The following COL21A1 variants were observed in gnomAD, a reference collection of about 807,000 sequenced individuals.
The protein encoded by COL21A1 is collagen type XXI alpha 1 chain, also known as collagen alpha-1(XXI) chain.
A neutral mutation model predicts 137.9 loss-of-function variants in COL21A1; 149 were observed. That is an observed-to-expected ratio of 1.08 (90% CI 0.95 to 1.24). COL21A1 has a LOEUF of 1.24. Ranked by LOEUF, COL21A1 falls within the 50% of genes most tolerant of loss-of-function variation. The pLI, the probability that COL21A1 is intolerant of heterozygous loss-of-function variation, is 0.00. For missense variants in COL21A1, 1,167 were observed against 1,158.4 expected (o/e 1.01, Z -0.11); for synonymous variants, 456 against 391.5 (o/e 1.16, Z -1.95).
At chr6:56,177,375 T>C (rs1257203593) in intron 3 of COL21A1, among the ~76,000 whole-genome samples, 5 of 152,118 alleles carry the variant, frequency 3.3e-5, no homozygotes, top group Non-Finnish European at 5.9e-5. Context: ...AGAAGTTAAG[T>C]ATGTGTCAAA....
chr6:56,277,942 T>G (rs924779765), intron 1 of COL21A1, among the ~76,000 whole-genome samples: 2 of 152,246 alleles, frequency 1.3e-5, no homozygotes, highest in East Asian at 1.9e-4. Context: ...AATTCTCATA[T>G]GTTTTTATAT....
At chr6:56,392,066 C>T (rs753143302) in intron 1 of COL21A1, among the ~76,000 whole-genome samples, 4 of 152,042 alleles carry the variant, frequency 2.6e-5, no homozygotes, top group Non-Finnish European at 5.9e-5. Flanking sequence ...AAGAAAACTA[C>T]AGGCCAATAA....
chr6:56,122,258 C>A (rs1473084118), intron 16 of COL21A1, among the ~76,000 whole-genome samples: 4 of 151,310 alleles, frequency 2.6e-5, no homozygotes, highest in Non-Finnish European at 5.9e-5. Context: ...GTTTAATGTA[C>A]GGGTAGTAGC....
intron 1 of COL21A1, among the ~76,000 whole-genome samples, chr6:56,363,136 G>C (rs988938445): frequency 6.6e-5 from 10 of 152,208 alleles, no homozygotes; most frequent in African/African-American, 2.4e-4. Flanking sequence ...GAAATGGAGA[G>C]ACAAATTGTC....
intron 17 of COL21A1, among the ~76,000 whole-genome samples, chr6:56,083,158 C>A (rs1459873150): frequency 6.6e-6 from 1 of 151,968 alleles, no homozygotes; most frequent in East Asian, 1.9e-4. Context: ...CAAGAATCAG[C>A]AATGCTGCAC....
At chr6:56,264,563 T>C (rs1582742197) in intron 1 of COL21A1, among the ~76,000 whole-genome samples, 1 of 152,228 alleles carries the variant, frequency 6.6e-6, no homozygotes, top group East Asian at 1.9e-4. Context: ...GACTCACAAA[T>C]TTATGTCTAC....
At chr6:56,378,499 A>G (rs1366080259) in intron 1 of COL21A1, among the ~76,000 whole-genome samples, 1 of 152,140 alleles carries the variant, frequency 6.6e-6, no homozygotes, top group Non-Finnish European at 1.5e-5. Flanking sequence ...TGCCTTTTAA[A>G]AGAGGAAGGA....
intron 1 of COL21A1, among the ~76,000 whole-genome samples, chr6:56,237,237 A>G (rs901697263): frequency 1.3e-5 from 2 of 152,116 alleles, no homozygotes; most frequent in East Asian, 3.9e-4. Flanking sequence ...CTTCATTGCA[A>G]CTTGAAAAGT....
intron 16 of COL21A1, among the ~76,000 whole-genome samples, chr6:56,118,194 C>T (rs538070931): frequency 2.6e-4 from 38 of 148,098 alleles, no homozygotes; most frequent in African/African-American, 7.9e-4. Context: ...CCAGTGTAAC[C>T]GAGAAAATAA....
At chr6:56,062,967 G>T (rs1028790618) in intron 24 of COL21A1, among the ~76,000 whole-genome samples, 2 of 152,016 alleles carry the variant, frequency 1.3e-5, no homozygotes, top group Non-Finnish European at 2.9e-5. Flanking sequence ...ACAAAACGAG[G>T]GCCAAAAAAT....
intron 1 of COL21A1, among the ~76,000 whole-genome samples, chr6:56,278,819 A>G (rs1410917196): frequency 6.6e-6 from 1 of 152,228 alleles, no homozygotes; most frequent in Non-Finnish European, 1.5e-5. Context: ...ATATGCAAAT[A>G]TCTTCATCTC....
chr6:56,173,536 T>G (rs1041516083), intron 3 of COL21A1, among the ~76,000 whole-genome samples: 5 of 152,090 alleles, frequency 3.3e-5, no homozygotes, highest in African/African-American at 9.7e-5. Context: ...AGATATTCCA[T>G]GCAAATGGTA....
intron 1 of COL21A1, among the ~76,000 whole-genome samples, chr6:56,330,225 T>A (rs572352156): frequency 1.3e-5 from 2 of 152,182 alleles, no homozygotes; most frequent in African/African-American, 4.8e-5. Context: ...AATTTGAAAA[T>A]TTGGAAATTA....
intron 1 of COL21A1, among the ~76,000 whole-genome samples, chr6:56,274,899 G>A (rs1362496257): frequency 6.6e-6 from 1 of 151,420 alleles, no homozygotes; most frequent in Non-Finnish European, 1.5e-5. Context: ...AAAGCCCAAA[G>A]AGCCAAAGCA....
chr6:56,182,674 G>A lies in COL21A1; in HGVS notation c.-38-18C>T. On this transcript the variant is annotated intron_variant, in intron 1 of 29. Transcript: ENST00000244728. ...TAGGATTCCTAGGGGGAAAAAAAAG[G>A]CAAGTTAAATATATTAATTAAAGTC... 8.7e-7 allele frequency: 1 copy of A among 1,143,472 alleles called. No homozygotes were observed. Among genetic ancestry groups the A allele is most frequent in the South Asian group, 1.4e-5 (1 of 73,744 alleles). The allele number at this position is 1,143,472 out of a possible 1,614,324, so 70.8% of individuals were successfully genotyped here.
intron 1 of COL21A1, among the ~76,000 whole-genome samples, chr6:56,342,902 T>C (rs1765503679): frequency 6.6e-6 from 1 of 152,196 alleles, no homozygotes; most frequent in Non-Finnish European, 1.5e-5. Flanking sequence ...CAGCTAGAAC[T>C]TTCCTGGGAT....
chr6:56,310,501 T>C (rs888740209), intron 1 of COL21A1, among the ~76,000 whole-genome samples: 2 of 152,240 alleles, frequency 1.3e-5, no homozygotes, highest in Non-Finnish European at 2.9e-5. Flanking sequence ...TACTGATGCC[T>C]GAAAAGTGGG....
intron 8 of COL21A1, 112 bp downstream of exon 8, chr6:56,164,702 A>AT (rs371268343): frequency 1.1e-5 from 10 of 917,360 alleles, no homozygotes; most frequent in African/African-American, 1.0e-4. Flanking sequence ...TTGAAGTTAC[A>AT]TAAAAATGGG....
chr6:56,112,258 A>G (rs905084957), intron 16 of COL21A1, among the ~76,000 whole-genome samples: 1 of 152,180 alleles, frequency 6.6e-6, no homozygotes, highest in African/African-American at 2.4e-5. Context: ...CCTGATTTTT[A>G]TCTCATACCA....
Sources: allele counts gnomAD v4.1 joint callset (sites outside exome capture counted in the v4.1 genomes callset), GRCh38; gene constraint gnomAD v4.1.1; transcripts MANE v1.5; gene names NCBI Gene and HGNC (gene_info 2026-07-23, HGNC 2026-07-21).